GPR107: variants seen among roughly 807,000 people sequenced by gnomAD.
The protein encoded by GPR107 is G protein-coupled receptor 107.
GPR107 carries 31 observed loss-of-function variants against 75.5 expected under a neutral mutation model. The ratio of observed to expected loss-of-function variants is 0.41; its 90% confidence interval spans 0.31 to 0.55. The LOEUF (loss-of-function observed/expected upper bound fraction) is 0.55, where lower values mean the gene tolerates loss of function less well. Ranked by LOEUF, GPR107 falls within the 20% of genes least tolerant of loss-of-function variation. The probability of loss-of-function intolerance (pLI) is 0.26; values close to 1 mark genes in which losing one functional copy is unlikely to be tolerated. For synonymous variants in GPR107, 267 were observed against 251.3 expected, an observed-to-expected ratio of 1.06 and a Z score of -0.59; for missense variants, 572 against 665.7, an observed-to-expected ratio of 0.86 and a Z score of 1.55.
intron 6 of GPR107, among the ~76,000 whole-genome samples, chr9:130,085,083 G>A (rs1830584393): frequency 2.0e-5 from 3 of 152,304 alleles, no homozygotes; most frequent in Admixed American, 6.5e-5. Flanking sequence ...GAATTGATGA[G>A]CAGGCTACGG....
chr9:130,124,954 A>T lies in GPR107; in HGVS notation c.1346A>T (p.Tyr449Phe). The change falls in exon 15 of 18, where the codon TAT becomes TTT. Residue 449 changes from tyrosine to phenylalanine, a missense_variant. Tyr to Phe is a conservative substitution (Grantham distance 22). Coordinates refer to ENST00000347136, the MANE Select transcript of GPR107 (RefSeq NM_020960.5). ...NLAKLKLFRH[Y>F]YVLIVCYIYF... ...GCAAAGCTGAAACTTTTCAGACATTATTACGTCTTGGTAAGTAAAAAAAAA... is the reference window on the plus strand; with the variant it reads ...GCAAAGCTGAAACTTTTCAGACATTTTTACGTCTTGGTAAGTAAAAAAAAA... 8 of 1,463,028 alleles carry T rather than the reference A, an allele frequency of 5.5e-6. No individual in the cohort carries two copies. The highest frequency in any genetic ancestry group is 7.4e-6 in the Non-Finnish European group (8 of 1,081,936). 90.6% of individuals were successfully genotyped at this position (1,463,028 alleles called of 1,614,324 possible). A position where few individuals can be genotyped will look rare whatever the true frequency, so the allele number is the denominator to read the frequency against.
At chr9:130,061,611 G>A (rs1281503772) in intron 1 of GPR107, among the ~76,000 whole-genome samples, 2 of 152,158 alleles carry the variant, frequency 1.3e-5, no homozygotes, top group Non-Finnish European at 2.9e-5. Context: ...GTAGTTTCCT[G>A]AAGAAGTGAC....
intron 15 of GPR107, among the ~76,000 whole-genome samples, 161 bp downstream of exon 15, chr9:130,125,125 G>A (rs1439813755): frequency 1.8e-5 from 2 of 109,514 alleles, no homozygotes; most frequent in East Asian, 3.2e-4. Flanking sequence ...TGGAGACGAC[G>A]TCTAGCTCTG....
intron 14 of GPR107, among the ~76,000 whole-genome samples, chr9:130,111,144 A>G (rs1416235829): frequency 6.6e-6 from 1 of 152,170 alleles, no homozygotes; most frequent in African/African-American, 2.4e-5. Context: ...GGTGTGAGCC[A>G]CTGCATCTGG....
At chr9:130,120,553 A>G (rs867153736) in intron 14 of GPR107, among the ~76,000 whole-genome samples, 7 of 152,184 alleles carry the variant, frequency 4.6e-5, no homozygotes, top group Admixed American at 1.3e-4. Flanking sequence ...GCTGTCTTCA[A>G]CTTCATTGCC....
At chr9:130,131,554 G>A (rs1831828070) in intron 17 of GPR107, among the ~76,000 whole-genome samples, 1 of 151,904 alleles carries the variant, frequency 6.6e-6, no homozygotes, top group Admixed American at 6.5e-5. Flanking sequence ...GGTTGCCCCT[G>A]CTACCCCCTC....
At position 130,103,371 on chromosome 9, in the gene GPR107, T is replaced by A. The variant is rs760526283; in HGVS notation, c.1132-1049T>A. On this transcript the variant is annotated intron_variant, in intron 12 of 17. Coordinates refer to ENST00000347136, the MANE Select transcript of GPR107 (RefSeq NM_020960.5). The surrounding 1 kb of genome is among the most constrained non-coding windows in gnomAD (Gnocchi z 4.3). ...CTTTTACAGCAAGTCAGGCAGAGAT[T>A]TGGGACCAGGGACTTCTCATGGGGT... Among the ~76,000 whole-genome samples, 1 of 152,168 alleles carries A rather than the reference T, an allele frequency of 6.6e-6. No individual in the cohort carries two copies. The highest frequency in any genetic ancestry group is 1.5e-5 in the Non-Finnish European group (1 of 68,036).
chr9:130,114,029 CTTTTTTTT>C (rs60616601), intron 14 of GPR107, among the ~76,000 whole-genome samples: 3 of 90,660 alleles, frequency 3.3e-5, no homozygotes, highest in African/African-American at 1.3e-4. Context: ...TCTTCTCATT[CTTTTTTTT>C]TTTTTTTTTT....
In GPR107 at chr9:130,083,554, CT is replaced by C; in HGVS notation, c.527-9del. 3 of 1,507,776 alleles carry C rather than the reference CT, an allele frequency of 2.0e-6. No individual in the cohort carries two copies. The highest frequency in any genetic ancestry group is 2.6e-6 in the Non-Finnish European group (3 of 1,133,080). 93.4% of individuals were successfully genotyped at this position (1,507,776 alleles called of 1,614,324 possible). A position where few individuals can be genotyped will look rare whatever the true frequency, so the allele number is the denominator to read the frequency against. ...CATGCAGCACTCTCTTTTAAATGTT[CT>C]TGCTTCTAGATGGTGGAAAGTCTAA... On this transcript the variant is annotated splice_polypyrimidine_tract_variant and intron_variant, in intron 5 of 17. Coordinates refer to ENST00000347136, the MANE Select transcript of GPR107 (RefSeq NM_020960.5).
At position 130,104,493 on chromosome 9, in the gene GPR107, A is replaced by T. The variant is rs780232451; in HGVS notation, c.1205A>T (p.Asp402Val). The change falls in exon 13 of 18, where the codon GAC (aspartate) becomes GTC (valine). Residue 402 changes from aspartate (D) to valine (V), a missense_variant. Asp to Val is a radical substitution (Grantham distance 152, BLOSUM62 -3). Coordinates refer to ENST00000347136, the MANE Select transcript of GPR107 (RefSeq NM_020960.5). ...ACGACTGAATATGGCTTGTGGAAGG[A>T]CTCTCTATTTCTGGTCGACCTGTTG... ...EGTTEYGLWK[D>V]SLFLVDLLCC... 3.7e-6 allele frequency: 6 copies of T among 1,612,348 alleles called. No individual in the cohort carries two copies. The African/African-American group carries it at 6.7e-5, about 18-fold the overall frequency.
At position 130,086,412 on chromosome 9, in the gene GPR107, CT is replaced by C. The variant is rs1459247827; in HGVS notation, c.565-3del. On this transcript the variant is annotated splice_region_variant and splice_polypyrimidine_tract_variant and intron_variant, in intron 6 of 17. Transcript: ENST00000347136. ...GTCATCCTAAAACATACTATTATGT[CT>C]TTTTAGGCCATGGGAGAGAAATCCT... 7.8e-6 allele frequency: 11 copies of C among 1,405,964 alleles called. No individual in the cohort carries two copies. Among genetic ancestry groups the C allele is most frequent in the Non-Finnish European group, 1.1e-5 (11 of 990,798 alleles). 87.1% of individuals were successfully genotyped at this position (1,405,964 alleles called of 1,614,324 possible). A position where few individuals can be genotyped will look rare whatever the true frequency, so the allele number is the denominator to read the frequency against.
chr9:130,102,784 C>G (rs2132612630), intron 12 of GPR107, among the ~76,000 whole-genome samples: 1 of 152,248 alleles, frequency 6.6e-6, no homozygotes, highest in South Asian at 2.1e-4. Flanking sequence ...CCTTTGTTTT[C>G]TACTTTGTCC....
intron 1 of GPR107, among the ~76,000 whole-genome samples, chr9:130,054,727 G>A (rs973763837): frequency 1.3e-5 from 2 of 152,200 alleles, no homozygotes; most frequent in African/African-American, 4.8e-5. Flanking sequence ...TTTGTAACTA[G>A]CAGAGAAAAG....
intron 8 of GPR107, among the ~76,000 whole-genome samples, chr9:130,091,268 C>G (rs1433430675): frequency 6.6e-6 from 1 of 152,062 alleles, no homozygotes; most frequent in East Asian, 1.9e-4. Flanking sequence ...GTGGGCAGAT[C>G]ACCTGAGTCC....
rs1286795503 is a variant in GPR107 at position 130,136,905 on chromosome 9, A to C, written c.*1784A>C. 6.6e-6 allele frequency: 1 copy of C among 152,178 alleles called. No individual in the cohort carries two copies. The highest frequency in any genetic ancestry group is 1.5e-5 in the Non-Finnish European group (1 of 68,038). 9.4% of individuals were successfully genotyped at this position (152,178 alleles called of 1,614,324 possible). ...CTTCCCATCTTCAGGAGAAAGGTAA[A>C]TGCACCCTAAGTGTTCACTTCTGGA... On this transcript the variant is annotated 3_prime_UTR_variant, in exon 18 of 18. Transcript: ENST00000347136.
intron 1 of GPR107, among the ~76,000 whole-genome samples, chr9:130,062,644 G>C (rs147803156): frequency 1.4e-5 from 1 of 70,908 alleles, no homozygotes; most frequent in African/African-American, 5.5e-5. Flanking sequence ...CTGCCTGCCT[G>C]CCTGCCTGCC....
chr9:130,099,854 A>C (rs1276228441), intron 10 of GPR107, among the ~76,000 whole-genome samples: 3 of 129,676 alleles, frequency 2.3e-5, no homozygotes, highest in South Asian at 2.5e-4. Context: ...CCACCTGCTG[A>C]CTTGTTTCCA....
chr9:130,085,213 C>G (rs2132579285), intron 6 of GPR107, among the ~76,000 whole-genome samples: 1 of 152,190 alleles, frequency 6.6e-6, no homozygotes. Flanking sequence ...AGGAAGGACA[C>G]AGTTGTGAGA....
chr9:130,133,888 G>A (rs932539924), intron 17 of GPR107, among the ~76,000 whole-genome samples: 11 of 152,140 alleles, frequency 7.2e-5, no homozygotes, highest in African/African-American at 2.2e-4. Context: ...AGAAGAGGGG[G>A]AAGTTTTCTT....
Sources: allele counts gnomAD v4.1 joint callset (sites outside exome capture counted in the v4.1 genomes callset), GRCh38; gene constraint gnomAD v4.1.1; non-coding constraint Gnocchi (gnomAD v3.1); transcripts MANE v1.5; gene names NCBI Gene and HGNC (gene_info 2026-07-23, HGNC 2026-07-21).